DAP: variants seen among roughly 807,000 people sequenced by gnomAD.
DAP encodes death-associated protein 1.
DAP carries 8 observed loss-of-function variants against 13.8 expected under a neutral mutation model. The ratio of observed to expected loss-of-function variants is 0.58; its 90% CI spans 0.34 to 1.05. The LOEUF (loss-of-function observed/expected upper bound fraction) is 1.05, where lower values mean the gene tolerates loss of function less well. Ranked by LOEUF, DAP falls within the 50% of genes least tolerant of loss-of-function variation. DAP has a pLI of 0.03. For missense variants in DAP, 106 were observed against 133.2 expected (o/e 0.80, Z 1.01); for synonymous variants, 47 against 47.5 (o/e 0.99, Z 0.04).
intron 2 of DAP, among the ~76,000 whole-genome samples, chr5:10,743,750 G>A (rs999926659): frequency 5.9e-5 from 9 of 152,116 alleles, no homozygotes; most frequent in Non-Finnish European, 1.3e-4. Context: ...CCTTAATTGG[G>A]TCGGCTCGAG....
intron 2 of DAP, among the ~76,000 whole-genome samples, chr5:10,722,096 G>A (rs915316686): frequency 6.6e-6 from 1 of 152,200 alleles, no homozygotes; most frequent in African/African-American, 2.4e-5. Flanking sequence ...AAGTTGACAA[G>A]GGATGGACTT....
chr5:10,748,888 T>A (rs1175940203), intron 1 of DAP, among the ~76,000 whole-genome samples: 3 of 152,206 alleles, frequency 2.0e-5, no homozygotes, highest in African/African-American at 4.8e-5. Context: ...ATTCGATGGT[T>A]TTGAGTGCAT....
At chr5:10,744,950 G>A (rs1739863546) in intron 2 of DAP, among the ~76,000 whole-genome samples, 1 of 152,226 alleles carries the variant, frequency 6.6e-6, no homozygotes, top group Non-Finnish European at 1.5e-5. Flanking sequence ...TGAAGAGGGA[G>A]TAGTAATTCA....
chr5:10,753,219 C>G (rs1008632392), intron 1 of DAP, among the ~76,000 whole-genome samples: 10 of 152,234 alleles, frequency 6.6e-5, no homozygotes, highest in African/African-American at 2.2e-4. Context: ...AGCAGCCCCA[C>G]GGAGTAGATC....
chr5:10,682,306 C>G (rs902414482), intron 3 of DAP, among the ~76,000 whole-genome samples: 26 of 151,424 alleles, frequency 1.7e-4, no homozygotes, highest in African/African-American at 5.6e-4. Flanking sequence ...CCCAGGCCAG[C>G]GTCCACCAGG....
chr5:10,709,260 G>T (rs955859380), intron 2 of DAP, among the ~76,000 whole-genome samples: 4 of 152,196 alleles, frequency 2.6e-5, no homozygotes, highest in African/African-American at 9.7e-5. Context: ...TGCTATTCAG[G>T]ACGTGTACAT....
At chr5:10,722,627 C>T (rs1272180298) in intron 2 of DAP, among the ~76,000 whole-genome samples, 1 of 148,492 alleles carries the variant, frequency 6.7e-6, no homozygotes, top group Non-Finnish European at 1.5e-5. Context: ...TATATACACA[C>T]ATATATATAC....
chr5:10,703,384 A>G (rs1460411270), intron 2 of DAP, among the ~76,000 whole-genome samples: 1 of 152,132 alleles, frequency 6.6e-6, no homozygotes, highest in African/African-American at 2.4e-5. Context: ...TCTACAGAGT[A>G]GTTGCAGCCC....
chr5:10,726,196 G>A (rs1478516869), intron 2 of DAP, among the ~76,000 whole-genome samples: 1 of 152,194 alleles, frequency 6.6e-6, no homozygotes, highest in Non-Finnish European at 1.5e-5. Context: ...CTCCCCTCTG[G>A]AGTCCTTATA....
At chr5:10,695,277 T>G (rs1438287401) in intron 2 of DAP, among the ~76,000 whole-genome samples, 1 of 152,176 alleles carries the variant, frequency 6.6e-6, no homozygotes, top group Non-Finnish European at 1.5e-5. Context: ...TCCGGCCAGC[T>G]CAGCCACCTC....
At chr5:10,700,062 A>AC (rs1738534535) in intron 2 of DAP, among the ~76,000 whole-genome samples, 1 of 152,252 alleles carries the variant, frequency 6.6e-6, no homozygotes, top group Non-Finnish European at 1.5e-5. Context: ...GAAGAGGGTA[A>AC]CCAGAATGGG....
chr5:10,691,014 C>T (rs1230891313), intron 2 of DAP, among the ~76,000 whole-genome samples: 2 of 152,158 alleles, frequency 1.3e-5, no homozygotes, highest in African/African-American at 4.8e-5. Context: ...GAGGAAGTAT[C>T]GTACTGTGGT....
At chr5:10,754,091 C>A (rs1740115920) in intron 1 of DAP, among the ~76,000 whole-genome samples, 1 of 152,136 alleles carries the variant, frequency 6.6e-6, no homozygotes, top group South Asian at 2.1e-4. Flanking sequence ...AAAAATGACT[C>A]CACCAGGAGA....
chr5:10,758,476 A>C (rs1740253773), intron 1 of DAP, among the ~76,000 whole-genome samples: 1 of 151,950 alleles, frequency 6.6e-6, no homozygotes, highest in Non-Finnish European at 1.5e-5. Flanking sequence ...CCCTCCTCTA[A>C]CTATGGTCTT....
chr5:10,743,329 T>C (rs976592008), intron 2 of DAP, among the ~76,000 whole-genome samples: 1 of 152,236 alleles, frequency 6.6e-6, no homozygotes, highest in Non-Finnish European at 1.5e-5. Context: ...TACGCCATTC[T>C]GGGTCCCTCC....
rs1312538078 is a variant in DAP at position 10,761,071 on chromosome 5, C to A, written c.-3G>T. 4.1e-6 allele frequency: 5 copies of A among 1,212,948 alleles called. No individual in the cohort carries two copies. In the African/African-American group the frequency reaches 4.8e-5, roughly 12 times the overall value. 75.1% of individuals were successfully genotyped at this position (1,212,948 alleles called of 1,614,324 possible). On this transcript the variant is annotated 5_prime_UTR_variant, in exon 1 of 4. Transcript: ENST00000230895. ...TTCCCTTCGGGAGGCGAAGACATGA[C>A]GCGGCGGGGCTTCCGCGGGGCCGAG...
intron 1 of DAP, 142 bp from the exon 2 acceptor site, chr5:10,748,413 A>G: frequency 1.5e-6 from 1 of 669,672 alleles, no homozygotes; most frequent in Admixed American, 2.3e-5. Flanking sequence ...TAACTAGGGA[A>G]GGTCAGGGTT....
At chr5:10,700,077 T>C (rs942706310) in intron 2 of DAP, among the ~76,000 whole-genome samples, 2 of 152,182 alleles carry the variant, frequency 1.3e-5, no homozygotes, top group African/African-American at 4.8e-5. Context: ...AATGGGGCCC[T>C]GGGTGGGCCC....
chr5:10,747,349 G>C (rs1335691550), intron 2 of DAP, among the ~76,000 whole-genome samples: 1 of 152,212 alleles, frequency 6.6e-6, no homozygotes, highest in Admixed American at 6.5e-5. Flanking sequence ...AGGAAAATAG[G>C]TGTTGAGCAG....
Sources: gnomAD v4.1 joint callset for allele counts (sites outside exome capture counted in the v4.1 genomes callset) on GRCh38, gnomAD v4.1.1 for gene constraint, MANE v1.5 for transcripts, NCBI Gene and HGNC (gene_info 2026-07-23, HGNC 2026-07-21) for gene names.